The following HNRNPR variants were observed in gnomAD, a reference collection of about 807,000 sequenced individuals.
The protein encoded by HNRNPR is heterogeneous nuclear ribonucleoprotein R.
A neutral mutation model predicts 70.3 loss-of-function variants in HNRNPR; 4 were observed. That is an observed-to-expected ratio of 0.06 (90% CI 0.03 to 0.13). The LOEUF (loss-of-function observed/expected upper bound fraction) is 0.13, where lower values mean the gene tolerates loss of function less well. Among genes scored for constraint, HNRNPR ranks in the 10% least tolerant of loss-of-function variants. The probability of loss-of-function intolerance (pLI) is 1.00; values close to 1 mark genes in which losing one functional copy is unlikely to be tolerated. For missense variants in HNRNPR, 423 were observed against 788.5 expected, an observed-to-expected ratio of 0.54 and a Z score of 5.55; for synonymous variants, 241 against 267.6, an observed-to-expected ratio of 0.90 and a Z score of 0.97.
chr1:23,310,283 G>A lies in HNRNPR; in HGVS notation c.*171C>T. ...ATGTCCAAGAGCATTTATGAAAAGA[G>A]GAAAAATAAAAAGACTTGAGTATAT... is the stretch of plus-strand genomic sequence containing the variant. On this transcript the variant is annotated 3_prime_UTR_variant, in exon 11 of 11. Coordinates refer to ENST00000302271, the MANE Select transcript of HNRNPR (RefSeq NM_005826.5). This position sits in a 1 kb window ranked among gnomAD's most constrained non-coding sequence, Gnocchi z 6.0. 1 of 597,250 alleles carries A rather than the reference G, an allele frequency of 1.7e-6. No individual in the cohort carries two copies. The highest frequency in any genetic ancestry group is 2.8e-6 in the Non-Finnish European group (1 of 353,874). 37.0% of individuals were successfully genotyped at this position (597,250 alleles called of 1,614,324 possible). A position where few individuals can be genotyped will look rare whatever the true frequency, so the allele number is the denominator to read the frequency against.
At chr1:23,338,349 A>C (rs949761708) in intron 3 of HNRNPR, 141 bp downstream of exon 3, 1 of 454,740 alleles carries the variant, frequency 2.2e-6, no homozygotes, top group Non-Finnish European at 4.0e-6. Flanking sequence ...TGCCACAAGC[A>C]GTTTTTTTCC....
In HNRNPR at chr1:23,323,657, A is replaced by G; in HGVS notation, c.574T>C (p.Trp192Arg). 1 of 1,614,124 alleles carries G rather than the reference A, an allele frequency of 6.2e-7. No individual in the cohort carries two copies. The change falls in exon 6 of 11, where the codon TGG becomes CGG. Residue 192 changes from tryptophan (W) to arginine (R), a missense_variant. Trp to Arg is a moderately radical substitution (Grantham distance 101). Transcript: ENST00000302271. Reference protein sequence around the residue: ...VPLFEKAGPIWDLRLMMDPLS... With the variant: ...VPLFEKAGPIRDLRLMMDPLS... ...GGATCCATCATAAGACGTAGATCCC[A>G]AATGGGTCCGGCCTTCTCAAAAAGG...
At chr1:23,342,344 A>C (rs1429243282) in intron 1 of HNRNPR, among the ~76,000 whole-genome samples, 1 of 152,226 alleles carries the variant, frequency 6.6e-6, no homozygotes, top group Non-Finnish European at 1.5e-5. Context: ...AATAGAGAGT[A>C]GGAAGAAGAA....
At chr1:23,332,783 G>GT (rs926167551) in intron 5 of HNRNPR, among the ~76,000 whole-genome samples, 3 of 151,808 alleles carry the variant, frequency 2.0e-5, no homozygotes, top group Non-Finnish European at 2.9e-5. Flanking sequence ...GCTCATGCCT[G>GT]TAATCCCAGC....
At position 23,311,404 on chromosome 1, in the gene HNRNPR, G is replaced by GT. The variant is rs979896419; in HGVS notation, c.1168-83dup. 1.1e-4 allele frequency: 100 copies of GT among 884,702 alleles called. 1 individual carries two copies. The African/African-American group carries it at 1.2e-3, about 10-fold the overall frequency. 54.8% of individuals were successfully genotyped at this position (884,702 alleles called of 1,614,324 possible). On this transcript the variant is annotated intron_variant, in intron 9 of 10. Transcript: ENST00000302271. ...ATAGTATGTAAGCTATTATACTTGT[G>GT]TAATTTAATACACTTAACAATTTAC... is the stretch of plus-strand genomic sequence containing the variant.
At chr1:23,333,328 C>T (rs539722432) in intron 5 of HNRNPR, among the ~76,000 whole-genome samples, 190 bp downstream of exon 5, 3 of 152,252 alleles carry the variant, frequency 2.0e-5, no homozygotes, top group East Asian at 1.9e-4. Context: ...ATAAAGTGTT[C>T]GGGTATCTAC....
intron 1 of HNRNPR, 64 bp from the exon 2 acceptor site, chr1:23,341,081 G>A: frequency 8.1e-7 from 1 of 1,227,914 alleles, no homozygotes; most frequent in Non-Finnish European, 1.1e-6. Context: ...GTAGGACAAT[G>A]CATGATTTAT....
intron 5 of HNRNPR, among the ~76,000 whole-genome samples, chr1:23,331,750 C>T (rs1028043639): frequency 6.9e-6 from 1 of 144,160 alleles, no homozygotes; most frequent in Non-Finnish European, 1.5e-5. Flanking sequence ...AGGAGGGCTG[C>T]TTGAGCCAGG....
chr1:23,343,771 C>G (rs963042576), intron 1 of HNRNPR, among the ~76,000 whole-genome samples: 23 of 152,348 alleles, frequency 1.5e-4, no homozygotes, highest in African/African-American at 5.5e-4. Context: ...GCCCCCCACC[C>G]CCATCCCCTC....
chr1:23,310,583 T>A lies in HNRNPR; in HGVS notation c.1773A>T (p.Gln591His). The A allele has an allele frequency of 6.2e-7, 1 of 1,614,184 alleles. No individual in the cohort carries two copies. Among genetic ancestry groups the A allele is most frequent in the Non-Finnish European group, 8.5e-7 (1 of 1,180,024 alleles). The change falls in exon 11 of 11, where the codon CAA (glutamine) becomes CAT (histidine). Residue 591 changes from glutamine (Q) to histidine (H), a missense_variant. By Grantham distance (24) the Gln-to-His change is conservative. Transcript: ENST00000302271. The surrounding 1 kb of genome is among the most constrained non-coding windows in gnomAD (Gnocchi z 6.0). The part of the protein sequence containing the change: ...PDSKRRQTNN[Q>H]QNWGSQPIAQ... ...CGATGGGTTGGGAACCCCAGTTCTG[T>A]TGGTTGTTGGTCTGACGACGCTTGG...
Position 23,307,607 on chromosome 1 carries a change from A to G in HNRNPR, c.*2847T>C, listed in dbSNP as rs1270537652. On this transcript the variant is annotated 3_prime_UTR_variant, in exon 11 of 11. Coordinates refer to ENST00000302271, the MANE Select transcript of HNRNPR (RefSeq NM_005826.5). ...ACCTGCATTTATTAGAAATCTGGCAACTTATTAGAACTTTTTTGCTCTTAA... is the reference window on the plus strand; with the variant it reads ...ACCTGCATTTATTAGAAATCTGGCAGCTTATTAGAACTTTTTTGCTCTTAA... The G allele has an allele frequency of 6.6e-6, 1 of 152,118 alleles. No homozygotes were observed. Among genetic ancestry groups the G allele is most frequent in the African/African-American group, 2.4e-5 (1 of 41,452 alleles). 9.4% of individuals were successfully genotyped at this position (152,118 alleles called of 1,614,324 possible). A position where few individuals can be genotyped will look rare whatever the true frequency, so the allele number is the denominator to read the frequency against.
chr1:23,326,172 G>A (rs1645966564), intron 5 of HNRNPR, among the ~76,000 whole-genome samples: 1 of 151,348 alleles, frequency 6.6e-6, no homozygotes, highest in African/African-American at 2.4e-5. Flanking sequence ...ACTGCGCCCG[G>A]CCTGTTTTGA....
At position 23,310,770 on chromosome 1, in the gene HNRNPR, T is replaced by C; in HGVS notation, c.1586A>G (p.Tyr529Cys). The C allele has an allele frequency of 1.2e-6, 2 of 1,613,920 alleles. No individual in the cohort carries two copies. Among genetic ancestry groups the C allele is most frequent in the Non-Finnish European group, 1.7e-6 (2 of 1,179,916 alleles). ...TCCCAAAGGTGCCCCCCTCTGTGAA[T>C]AGCCAGCTCTACCTCTTGGAGGTGG... ...GAPPPRGRAGYSQRGAPLGPP... is the reference protein window; with the variant it reads ...GAPPPRGRAGCSQRGAPLGPP... Residue 529 changes from tyrosine (Y) to cysteine (C), a missense_variant, in exon 11 of 11, where the codon TAT becomes TGT. Around this residue, in one of 7 missense-constraint regions of HNRNPR, gnomAD observed 169 missense variants for 195.6 expected, o/e 0.86. Coordinates refer to ENST00000302271, the MANE Select transcript of HNRNPR (RefSeq NM_005826.5). This position sits in a 1 kb window ranked among gnomAD's most constrained non-coding sequence, Gnocchi z 6.0.
chr1:23,334,914 GT>G (rs1403011442), intron 4 of HNRNPR, among the ~76,000 whole-genome samples: 1 of 151,390 alleles, frequency 6.6e-6, no homozygotes, highest in African/African-American at 2.4e-5. Context: ...TTACACTTCA[GT>G]TTTTTTGGTT....
At chr1:23,331,484 C>G (rs1449120621) in intron 5 of HNRNPR, among the ~76,000 whole-genome samples, 1 of 151,316 alleles carries the variant, frequency 6.6e-6, no homozygotes, top group Non-Finnish European at 1.5e-5. Flanking sequence ...GAGTTCGAGA[C>G]CAGCCTGACC....
At chr1:23,333,475 T>G in intron 5 of HNRNPR, 43 bp downstream of exon 5, 1 of 1,277,056 alleles carries the variant, frequency 7.8e-7, no homozygotes, top group Non-Finnish European at 1.1e-6. Context: ...TAAAACACTT[T>G]CCAAACTGGA....
intron 1 of HNRNPR, among the ~76,000 whole-genome samples, chr1:23,343,892 G>A (rs1180816806): frequency 6.6e-6 from 1 of 152,160 alleles, no homozygotes; most frequent in African/African-American, 2.4e-5. Context: ...CAGGCCCTTC[G>A]CGGGATCCGG....
chr1:23,320,464 A>C (rs2148366883), intron 7 of HNRNPR, among the ~76,000 whole-genome samples: 1 of 152,322 alleles, frequency 6.6e-6, no homozygotes, highest in South Asian at 2.1e-4. Flanking sequence ...TGGATGGTTC[A>C]CCAATGTAGA....
chr1:23,319,842 G>A (rs1319833234), intron 7 of HNRNPR, among the ~76,000 whole-genome samples: 1 of 152,136 alleles, frequency 6.6e-6, no homozygotes, highest in Non-Finnish European at 1.5e-5. Flanking sequence ...CTTGGCACGT[G>A]TTGCTGTCTT....
Sources: gnomAD v4.1 joint callset for allele counts (sites outside exome capture counted in the v4.1 genomes callset) on GRCh38, gnomAD v4.1.1 for gene constraint, gnomAD v4.1.1 regional missense constraint, Gnocchi (gnomAD v3.1) non-coding constraint, MANE v1.5 for transcripts, NCBI Gene and HGNC (gene_info 2026-07-23, HGNC 2026-07-21) for gene names.